Variants in ITGBL1 observed in about 807,000 individuals in gnomAD.
The protein encoded by ITGBL1 is integrin beta-like protein 1.
Under a neutral mutation model 68.5 loss-of-function variants are expected in ITGBL1, and 51 were observed. That is an observed-to-expected ratio of 0.74 (90% CI 0.59 to 0.94). The LOEUF (loss-of-function observed/expected upper bound fraction) is 0.94, where lower values mean the gene tolerates loss of function less well. ITGBL1 is among the 40% of genes least tolerant of loss of function. The probability of loss-of-function intolerance (pLI) is 0.00; values close to 1 mark genes in which losing one functional copy is unlikely to be tolerated. For missense variants in ITGBL1, 649 were observed against 647.4 expected (o/e 1.00, Z -0.03); for synonymous variants, 209 against 227.3 (o/e 0.92, Z 0.72).
At chr13:101,483,138 C>T (rs1331167883) in intron 2 of ITGBL1, among the ~76,000 whole-genome samples, 1 of 152,148 alleles carries the variant, frequency 6.6e-6, no homozygotes, top group Non-Finnish European at 1.5e-5. Context: ...CACATGGTGG[C>T]TAATGACAAC....
At chr13:101,540,427 C>G (rs1363073911) in intron 2 of ITGBL1, among the ~76,000 whole-genome samples, 1 of 152,078 alleles carries the variant, frequency 6.6e-6, no homozygotes, top group Non-Finnish European at 1.5e-5. Flanking sequence ...TGTTTTGGTA[C>G]CAGTACCATG....
intron 2 of ITGBL1, among the ~76,000 whole-genome samples, chr13:101,524,399 T>C (rs549073391): frequency 0.031 from 4,640 of 151,726 alleles, 244 homozygotes; most frequent in African/African-American, 0.1. Flanking sequence ...CTTTTTTTTT[T>C]TTGCAATTAT....
At chr13:101,654,785 AC>A (rs892410519) in intron 7 of ITGBL1, among the ~76,000 whole-genome samples, 1 of 152,098 alleles carries the variant, frequency 6.6e-6, no homozygotes, top group African/African-American at 2.4e-5. Flanking sequence ...CCTGGATGCA[AC>A]CACCCAGGGA....
chr13:101,519,293 G>GTTC (rs1324899856), intron 2 of ITGBL1, among the ~76,000 whole-genome samples: 1 of 152,144 alleles, frequency 6.6e-6, no homozygotes, highest in Non-Finnish European at 1.5e-5. Context: ...TGATGAAAAT[G>GTTC]TTCTTCATTT....
intron 7 of ITGBL1, among the ~76,000 whole-genome samples, chr13:101,686,760 G>A (rs559608182): frequency 1.3e-5 from 2 of 151,016 alleles, no homozygotes; most frequent in East Asian, 3.9e-4. Context: ...GGCTTCAGAC[G>A]AATATTCAAG....
intron 5 of ITGBL1, among the ~76,000 whole-genome samples, chr13:101,580,088 T>C (rs1013138924): frequency 1.3e-5 from 2 of 152,124 alleles, no homozygotes; most frequent in Non-Finnish European, 2.9e-5. Context: ...TCCTTGAAAA[T>C]ACTTAATTTT....
At chr13:101,561,957 TA>T (rs2050107566) in intron 2 of ITGBL1, among the ~76,000 whole-genome samples, 1 of 152,168 alleles carries the variant, frequency 6.6e-6, no homozygotes, top group African/African-American at 2.4e-5. Flanking sequence ...GCTCTAAAAA[TA>T]ACTGACTGTC....
intron 7 of ITGBL1, among the ~76,000 whole-genome samples, chr13:101,669,844 A>T (rs1220408114): frequency 1.3e-5 from 2 of 152,200 alleles, no homozygotes; most frequent in Admixed American, 6.5e-5. Flanking sequence ...TTCATGTCTC[A>T]GAAGTTCAAC....
chr13:101,685,602 A>G (rs1381016177), intron 7 of ITGBL1, among the ~76,000 whole-genome samples: 2 of 152,080 alleles, frequency 1.3e-5, no homozygotes, highest in Admixed American at 1.3e-4. Flanking sequence ...ATAATGTTGG[A>G]TTTCTTTTGA....
At chr13:101,553,502 T>C (rs879211495) in intron 2 of ITGBL1, among the ~76,000 whole-genome samples, 1 of 152,122 alleles carries the variant, frequency 6.6e-6, no homozygotes. Context: ...GTACCTTGAG[T>C]TTCTGCCTTG....
chr13:101,538,967 C>G (rs2049630885), intron 2 of ITGBL1, among the ~76,000 whole-genome samples: 1 of 150,388 alleles, frequency 6.6e-6, no homozygotes, highest in African/African-American at 2.4e-5. Flanking sequence ...CTCAAGTTCA[C>G]ACAGCAAATC....
At chr13:101,505,679 G>T (rs907643237) in intron 2 of ITGBL1, among the ~76,000 whole-genome samples, 1 of 152,128 alleles carries the variant, frequency 6.6e-6, no homozygotes, top group African/African-American at 2.4e-5. Context: ...AAGATCTGAG[G>T]TTTCTACCCT....
Position 101,452,723 on chromosome 13 carries a change from G to A in ITGBL1, c.-111G>A. 2.5e-6 allele frequency: 2 copies of A among 805,484 alleles called. No homozygotes were observed. Among genetic ancestry groups the A allele is most frequent in the Non-Finnish European group, 4.3e-6 (2 of 465,534 alleles). 49.9% of individuals were successfully genotyped at this position (805,484 alleles called of 1,614,324 possible). ...CGGACCTGCAAGCCTGGGTGTCCGT[G>A]GGTCCGTCTGCCCAGCCATCTGCTG... On this transcript the variant is annotated 5_prime_UTR_variant, in exon 1 of 11. Coordinates refer to ENST00000376180, the MANE Select transcript of ITGBL1 (RefSeq NM_004791.3).
chr13:101,604,291 A>T (rs2030559751), intron 7 of ITGBL1, among the ~76,000 whole-genome samples: 1 of 151,872 alleles, frequency 6.6e-6, no homozygotes, highest in African/African-American at 2.4e-5. Context: ...TCAAACATGC[A>T]TGTTTCCTGT....
At chr13:101,478,461 C>T (rs1419964794) in intron 2 of ITGBL1, among the ~76,000 whole-genome samples, 1 of 151,946 alleles carries the variant, frequency 6.6e-6, no homozygotes, top group African/African-American at 2.4e-5. Flanking sequence ...TTATTCAACA[C>T]AGTACTGGAA....
rs537687029 is a variant in ITGBL1 at position 101,546,453 on chromosome 13, G to T, written c.317-21246G>T. 2.9e-3 allele frequency among the ~76,000 whole-genome samples: 441 copies of T among 151,954 alleles called. 1 individual carries two copies. Among genetic ancestry groups the T allele is most frequent in the Non-Finnish European group, 4.7e-3 (320 of 67,910 alleles). On this transcript the variant is annotated intron_variant, in intron 2 of 10. Transcript: ENST00000376180. ...TTTTAAGGGTCCAAAATCGAAGTAA[G>T]AAAATAACAGAATAAACCTAAAAAA... is the stretch of plus-strand genomic sequence containing the variant.
intron 9 of ITGBL1, among the ~76,000 whole-genome samples, chr13:101,707,685 T>TAA (rs111754845): frequency 2.7e-5 from 4 of 150,642 alleles, no homozygotes; most frequent in South Asian, 2.1e-4. Context: ...TCTACTCTAT[T>TAA]AAAAAAAACA....
intron 8 of ITGBL1, among the ~76,000 whole-genome samples, chr13:101,699,155 C>T (rs1566796230): frequency 2.0e-5 from 3 of 152,200 alleles, no homozygotes; most frequent in African/African-American, 7.2e-5. Context: ...ATGTGATTGT[C>T]TCCAAATTAC....
intron 2 of ITGBL1, among the ~76,000 whole-genome samples, chr13:101,554,777 G>A (rs925149498): frequency 6.6e-6 from 1 of 152,180 alleles, no homozygotes; most frequent in African/African-American, 2.4e-5. Flanking sequence ...CTTTTGTGGA[G>A]TGCCACACAA....
Sources: gnomAD v4.1 joint callset for allele counts (sites outside exome capture counted in the v4.1 genomes callset) on GRCh38, gnomAD v4.1.1 for gene constraint, MANE v1.5 for transcripts, NCBI Gene and HGNC (gene_info 2026-07-23, HGNC 2026-07-21) for gene names.